Variants in DNAJC15 observed in about 807,000 individuals in gnomAD.
DNAJC15 encodes dnaJ homolog subfamily C member 15.
Under a neutral mutation model 22.4 loss-of-function variants are expected in DNAJC15, and 27 were observed. The ratio of observed to expected loss-of-function variants is 1.20; its 90% CI spans 0.89 to 1.66. DNAJC15 has a LOEUF of 1.66. DNAJC15 is among the 40% of genes most tolerant of loss of function. The pLI is 0.00. For missense variants in DNAJC15, 208 were observed against 187.1 expected (o/e 1.11, Z -0.65); for synonymous variants, 79 against 63.2 (o/e 1.25, Z -1.19).
Position 43,108,606 on chromosome 13 carries a change from A to G in DNAJC15, c.*1358A>G, listed in dbSNP as rs1332741994. ...TAGTTTAGGAGTTCTCAACCTTGGC[A>G]TTATTGACATGTTAGGCCAAATAAT... On this transcript the variant is annotated 3_prime_UTR_variant, in exon 6 of 6. Coordinates refer to ENST00000379221, the MANE Select transcript of DNAJC15 (RefSeq NM_013238.3). 1 of 152,172 alleles carries G rather than the reference A, an allele frequency of 6.6e-6. No individual in the cohort carries two copies. Among genetic ancestry groups the G allele is most frequent in the Non-Finnish European group, 1.5e-5 (1 of 68,036 alleles). 9.4% of individuals were successfully genotyped at this position (152,172 alleles called of 1,614,324 possible).
At chr13:43,054,499 T>C (rs984582525) in intron 1 of DNAJC15, among the ~76,000 whole-genome samples, 2 of 152,232 alleles carry the variant, frequency 1.3e-5, no homozygotes, top group Non-Finnish European at 2.9e-5. Context: ...GTTTTGAATG[T>C]CTGACAAAAT....
intron 1 of DNAJC15, among the ~76,000 whole-genome samples, chr13:43,048,325 C>CAAAAAAAAA (rs766125510): frequency 1.5e-5 from 2 of 130,344 alleles, no homozygotes; most frequent in Non-Finnish European, 3.3e-5. Context: ...ACTAAAAATA[C>CAAAAAAAAA]AAAAAAAAAA....
At chr13:43,070,455 A>C (rs558414839) in intron 3 of DNAJC15, among the ~76,000 whole-genome samples, 1 of 135,374 alleles carries the variant, frequency 7.4e-6, no homozygotes. Flanking sequence ...GACACAGTGT[A>C]AAAAAAAAAA....
At chr13:43,106,854 C>T (rs1245678602) in intron 5 of DNAJC15, among the ~76,000 whole-genome samples, 4 of 151,118 alleles carry the variant, frequency 2.6e-5, no homozygotes, top group African/African-American at 9.7e-5. Flanking sequence ...TAACCATCCA[C>T]TTAATTTTAG....
chr13:43,073,797 G>A (rs907330446), intron 3 of DNAJC15, among the ~76,000 whole-genome samples: 4 of 151,584 alleles, frequency 2.6e-5, no homozygotes, highest in Non-Finnish European at 5.9e-5. Flanking sequence ...AAGGCACTTC[G>A]GAAAGCAAAA....
chr13:43,085,455 T>C (rs546614673), intron 4 of DNAJC15, among the ~76,000 whole-genome samples: 17 of 152,216 alleles, frequency 1.1e-4, no homozygotes, highest in African/African-American at 4.1e-4. Context: ...CCAAATAACT[T>C]AGAAGCATAA....
At chr13:43,061,159 C>T (rs1190895282) in intron 1 of DNAJC15, among the ~76,000 whole-genome samples, 6 of 152,030 alleles carry the variant, frequency 3.9e-5, no homozygotes, top group Non-Finnish European at 8.8e-5. Context: ...TATGAAATGA[C>T]GACAGAATAG....
Position 43,104,732 on chromosome 13 carries a change from C to G in DNAJC15, c.383-2446C>G, listed in dbSNP as rs559223378. 3.3e-5 allele frequency among the ~76,000 whole-genome samples: 5 copies of G among 150,668 alleles called. No individual in the cohort carries two copies. The South Asian group carries it at 1.1e-3, about 32-fold the overall frequency. Reference sequence around the variant, plus strand: ...GGAGATAGGGCCCCACCCTGTCGTCCAGGCTGGAGTGCAGTGGTGCGATCA... The same window carrying G: ...GGAGATAGGGCCCCACCCTGTCGTCGAGGCTGGAGTGCAGTGGTGCGATCA... On this transcript the variant is annotated intron_variant, in intron 5 of 5. Transcript: ENST00000379221.
intron 1 of DNAJC15, among the ~76,000 whole-genome samples, chr13:43,043,401 G>T (rs2153439927): frequency 6.6e-6 from 1 of 152,296 alleles, no homozygotes; most frequent in East Asian, 1.9e-4. Flanking sequence ...GAGCTGCCAT[G>T]CCTGACCTCA....
At chr13:43,090,732 G>C (rs934469882) in intron 5 of DNAJC15, among the ~76,000 whole-genome samples, 2 of 144,806 alleles carry the variant, frequency 1.4e-5, no homozygotes, top group Non-Finnish European at 3.0e-5. Context: ...TTTTGAGATA[G>C]AGTCTTGCTC....
chr13:43,108,902 A>G lies in DNAJC15; in HGVS notation c.*1654A>G, dbSNP rs900657794. On this transcript the variant is annotated 3_prime_UTR_variant, in exon 6 of 6. Coordinates refer to ENST00000379221, the MANE Select transcript of DNAJC15 (RefSeq NM_013238.3). ...CGATAAAATATATTTCTTGCTTTAA[A>G]GTCCCCATACGTGTCCTACTAATTT... 9 of 152,328 alleles carry G rather than the reference A, an allele frequency of 5.9e-5. No homozygotes were observed. Among genetic ancestry groups the G allele is most frequent in the Admixed American group, 3.9e-4 (6 of 15,290 alleles). The allele number at this position is 152,328 out of a possible 1,614,324, so 9.4% of individuals were successfully genotyped here.
At chr13:43,057,423 A>T (rs2040537015) in intron 1 of DNAJC15, among the ~76,000 whole-genome samples, 1 of 151,916 alleles carries the variant, frequency 6.6e-6, no homozygotes, top group Admixed American at 6.5e-5. Flanking sequence ...TGCATTTCCT[A>T]AGTGTGTCTT....
chr13:43,091,648 ATT>A (rs1334755629), intron 5 of DNAJC15, among the ~76,000 whole-genome samples: 1 of 151,894 alleles, frequency 6.6e-6, no homozygotes, highest in Non-Finnish European at 1.5e-5. Context: ...TTTTTGCATC[ATT>A]GTTATTTCAT....
intron 2 of DNAJC15, among the ~76,000 whole-genome samples, chr13:43,068,189 G>C (rs917311246): frequency 6.6e-6 from 1 of 152,082 alleles, no homozygotes; most frequent in African/African-American, 2.4e-5. Context: ...ACTAGTAGAA[G>C]ACACAATCTG....
intron 1 of DNAJC15, among the ~76,000 whole-genome samples, chr13:43,035,952 C>T (rs2040426969): frequency 6.6e-6 from 1 of 151,978 alleles, no homozygotes; most frequent in Non-Finnish European, 1.5e-5. Flanking sequence ...GTCTTGAACT[C>T]CTGGGCTCAA....
chr13:43,105,679 A>G (rs1023663441), intron 5 of DNAJC15, among the ~76,000 whole-genome samples: 1 of 152,214 alleles, frequency 6.6e-6, no homozygotes. Context: ...TTAAATATCC[A>G]TAATGCATAT....
At chr13:43,092,681 G>A (rs1295039462) in intron 5 of DNAJC15, among the ~76,000 whole-genome samples, 1 of 152,108 alleles carries the variant, frequency 6.6e-6, no homozygotes, top group African/African-American at 2.4e-5. Flanking sequence ...GGAGGCCTGG[G>A]CAGGAGGATT....
At chr13:43,084,477 A>G (rs2040678048) in intron 4 of DNAJC15, among the ~76,000 whole-genome samples, 3 of 152,350 alleles carry the variant, frequency 2.0e-5, no homozygotes, top group South Asian at 2.1e-4. Flanking sequence ...TTTCTGACTA[A>G]CTGTAAAAGC....
intron 1 of DNAJC15, among the ~76,000 whole-genome samples, chr13:43,052,026 G>A (rs56376955): frequency 2.0e-5 from 3 of 152,042 alleles, no homozygotes; most frequent in Admixed American, 6.5e-5. Flanking sequence ...GTGCAGTGGC[G>A]TGATCTCGGC....
Sources: allele counts gnomAD v4.1 joint callset (sites outside exome capture counted in the v4.1 genomes callset), GRCh38; gene constraint gnomAD v4.1.1; transcripts MANE v1.5; gene names NCBI Gene and HGNC (gene_info 2026-07-23, HGNC 2026-07-21).